Variants in RALGAPA2 observed in about 807,000 individuals in gnomAD.
The protein encoded by RALGAPA2 is ral GTPase-activating protein subunit alpha-2.
A neutral mutation model predicts 230.4 loss-of-function variants in RALGAPA2; 139 were observed. The ratio of observed to expected loss-of-function variants is 0.60; its 90% CI spans 0.53 to 0.69. RALGAPA2 has a LOEUF of 0.69. Ranked by LOEUF, RALGAPA2 falls within the 30% of genes least tolerant of loss-of-function variation. RALGAPA2 has a pLI of 0.00. For missense variants in RALGAPA2, 2,163 were observed against 2,276.0 expected (o/e 0.95, Z 1.01); for synonymous variants, 847 against 837.8 (o/e 1.01, Z -0.19).
At chr20:20,583,315 ACAG>A in intron 19 of RALGAPA2, 89 bp from the exon 20 acceptor site, 1 of 1,301,038 alleles carries the variant, frequency 7.7e-7, no homozygotes, top group Non-Finnish European at 1.1e-6. Context: ...AACTAAACAA[ACAG>A]CAGACACAGT....
intron 23 of RALGAPA2, among the ~76,000 whole-genome samples, chr20:20,569,722 A>G (rs548375502): frequency 6.6e-6 from 1 of 152,240 alleles, no homozygotes; most frequent in East Asian, 1.9e-4. Flanking sequence ...TCATTTCCAC[A>G]TCAACACATC....
At chr20:20,590,937 C>A (rs146864644) in intron 17 of RALGAPA2, among the ~76,000 whole-genome samples, 55 of 151,996 alleles carry the variant, frequency 3.6e-4, no homozygotes, top group African/African-American at 1.3e-3. Flanking sequence ...CTCAAACATG[C>A]CAACCTTTAA....
intron 10 of RALGAPA2, among the ~76,000 whole-genome samples, chr20:20,629,128 T>A (rs902675941): frequency 2.6e-5 from 4 of 152,154 alleles, no homozygotes; most frequent in Non-Finnish European, 4.4e-5. Context: ...AAATATAGAA[T>A]TTTCCCTCCT....
intron 1 of RALGAPA2, among the ~76,000 whole-genome samples, chr20:20,707,875 A>G (rs1170445375): frequency 6.6e-6 from 1 of 152,000 alleles, no homozygotes; most frequent in Non-Finnish European, 1.5e-5. Context: ...ACACCTCGCC[A>G]TGTTACTTAC....
At chr20:20,595,089 T>G (rs2065412132) in intron 16 of RALGAPA2, among the ~76,000 whole-genome samples, 1 of 152,216 alleles carries the variant, frequency 6.6e-6, no homozygotes, top group Admixed American at 6.5e-5. Flanking sequence ...TTAATTTCAT[T>G]TTTTTCCACT....
At chr20:20,612,161 A>G (rs2065995018) in intron 13 of RALGAPA2, among the ~76,000 whole-genome samples, 1 of 152,274 alleles carries the variant, frequency 6.6e-6, no homozygotes, top group African/African-American at 2.4e-5. Context: ...TCTTCAGAAC[A>G]GCCAAAAGAC....
intron 24 of RALGAPA2, among the ~76,000 whole-genome samples, chr20:20,541,930 A>G (rs1011217366): frequency 3.3e-5 from 5 of 152,234 alleles, no homozygotes; most frequent in African/African-American, 1.2e-4. Flanking sequence ...GCAATCGGGC[A>G]AGATAAAGAA....
chr20:20,567,223 C>T (rs1377073113), intron 23 of RALGAPA2, among the ~76,000 whole-genome samples: 2 of 152,206 alleles, frequency 1.3e-5, no homozygotes, highest in Admixed American at 6.5e-5. Context: ...TTCCATTTCA[C>T]ACATATTGAT....
chr20:20,411,411 GA>G (rs2060056502), intron 38 of RALGAPA2, among the ~76,000 whole-genome samples: 1 of 152,092 alleles, frequency 6.6e-6, no homozygotes, highest in Non-Finnish European at 1.5e-5. Flanking sequence ...GAAATCTATG[GA>G]AACTTTCACA....
At chr20:20,619,957 T>G (rs779185670) in intron 11 of RALGAPA2, among the ~76,000 whole-genome samples, 1 of 152,208 alleles carries the variant, frequency 6.6e-6, no homozygotes, top group Non-Finnish European at 1.5e-5. Flanking sequence ...ACATGGACAG[T>G]GGCCCCTCCA....
At chr20:20,615,183 G>A (rs1466581473) in intron 13 of RALGAPA2, among the ~76,000 whole-genome samples, 6 of 135,216 alleles carry the variant, frequency 4.4e-5, no homozygotes, top group East Asian at 4.2e-4. Flanking sequence ...TTTTTTTCCC[G>A]AGACAAGAGT....
intron 29 of RALGAPA2, 121 bp from the exon 30 acceptor site, chr20:20,524,664 G>A: frequency 1.5e-6 from 2 of 1,351,510 alleles, no homozygotes; most frequent in South Asian, 1.4e-5. Context: ...AGATAAGTAG[G>A]TAAGTAAATA....
At chr20:20,698,005 G>A (rs1028057330) in intron 1 of RALGAPA2, among the ~76,000 whole-genome samples, 2 of 151,820 alleles carry the variant, frequency 1.3e-5, no homozygotes, top group East Asian at 1.9e-4. Flanking sequence ...CAACCTAAAA[G>A]TCCTAAGAAT....
chr20:20,448,766 T>TA (rs1052715307), intron 37 of RALGAPA2, among the ~76,000 whole-genome samples: 1 of 151,602 alleles, frequency 6.6e-6, no homozygotes, highest in Non-Finnish European at 1.5e-5. Context: ...AATATAGCTT[T>TA]AAAAAAATGT....
chr20:20,512,982 C>T lies in RALGAPA2; in HGVS notation c.4387G>A (p.Val1463Met), dbSNP rs763323142. 1.9e-6 allele frequency: 3 copies of T among 1,613,782 alleles called. No individual in the cohort carries two copies. Among genetic ancestry groups the T allele is most frequent in the Non-Finnish European group, 2.5e-6 (3 of 1,179,746 alleles). The change falls in exon 32 of 40, where the codon GTG becomes ATG. Residue 1463 changes from valine to methionine, a missense_variant. By Grantham distance (21) the Val-to-Met change is conservative. Coordinates refer to ENST00000202677, the MANE Select transcript of RALGAPA2 (RefSeq NM_020343.4). The stretch of plus-strand genomic sequence containing the variant: ...GAGTACTTCCCTGAGATATCCCTCA[C>T]AATTACTCTCACATCAGAGAGAGAG... ...VGSLSDVRVI[V>M]RDISGKYSWD...
Position 20,611,310 on chromosome 20 carries a change from C to A in RALGAPA2, c.1800+5G>T. On this transcript the variant is annotated splice_donor_5th_base_variant and intron_variant, in intron 14 of 39. Transcript: ENST00000202677. The stretch of plus-strand genomic sequence containing the variant: ...ATTTGCAGTGCTTTCATAAAAAAGA[C>A]TTACCCTAAATAGTAACCCTGCCAA... 1 of 1,599,828 alleles carries A rather than the reference C, an allele frequency of 6.3e-7. No individual in the cohort carries two copies. The highest frequency in any genetic ancestry group is 8.5e-7 in the Non-Finnish European group (1 of 1,172,136).
chr20:20,598,109 A>T (rs1423386762), intron 16 of RALGAPA2, among the ~76,000 whole-genome samples: 1 of 152,210 alleles, frequency 6.6e-6, no homozygotes, highest in Non-Finnish European at 1.5e-5. Flanking sequence ...GGCTAAATTC[A>T]ATTTTAATTG....
intron 37 of RALGAPA2, among the ~76,000 whole-genome samples, chr20:20,447,236 C>T (rs1208105930): frequency 2.6e-5 from 4 of 152,128 alleles, no homozygotes; most frequent in South Asian, 2.1e-4. Context: ...GCAAGCAATT[C>T]GAAAGTTTCC....
chr20:20,512,224 T>TACACACACACACACACACACACACAC (rs1257439741), intron 32 of RALGAPA2, among the ~76,000 whole-genome samples: 1 of 137,708 alleles, frequency 7.3e-6, no homozygotes, highest in African/African-American at 2.9e-5. Context: ...CAACCCCCCC[T>TACACACACACACACACACACACACAC]ACACACACAC....
Sources: allele counts gnomAD v4.1 joint callset (sites outside exome capture counted in the v4.1 genomes callset), GRCh38; gene constraint gnomAD v4.1.1; transcripts MANE v1.5; gene names NCBI Gene and HGNC (gene_info 2026-07-23, HGNC 2026-07-21).